Variants in PPP1CC observed in about 807,000 individuals in gnomAD.
PPP1CC encodes the protein serine/threonine-protein phosphatase PP1-gamma catalytic subunit.
In PPP1CC, 16 loss-of-function variants were observed where a neutral mutation model predicts 38.4. The observed-to-expected ratio is 0.42, with a 90% CI of 0.28 to 0.63. The LOEUF is 0.63. Among genes scored for constraint, PPP1CC ranks in the 30% least tolerant of loss-of-function variants. The pLI, the probability that PPP1CC is intolerant of heterozygous loss-of-function variation, is 0.25. For missense variants in PPP1CC, 170 were observed against 391.3 expected (o/e 0.43, Z 4.77); for synonymous variants, 158 against 136.0 (o/e 1.16, Z -1.13).
chr12:110,723,426 A>G (rs2069761572), intron 4 of PPP1CC, among the ~76,000 whole-genome samples: 1 of 152,224 alleles, frequency 6.6e-6, no homozygotes, highest in South Asian at 2.1e-4. Flanking sequence ...ACCATACAGG[A>G]AAAGAAATTC....
rs550178579 is a variant in PPP1CC, at chr12:110,724,886, G to A, written c.419-122C>T. The A allele has an allele frequency of 1.7e-5, 9 of 522,614 alleles. No individual in the cohort carries two copies. The South Asian group carries it at 1.9e-4, about 11-fold the overall frequency. 32.4% of individuals were successfully genotyped at this position (522,614 alleles called of 1,614,324 possible). The stretch of plus-strand genomic sequence containing the variant: ...GTGCCTTTTAAGCAAATGAAACTAT[G>A]TTTTTATTAAGAATCTTAATAAAAC... On this transcript the variant is annotated intron_variant, in intron 3 of 6. Coordinates refer to ENST00000335007, the MANE Select transcript of PPP1CC (RefSeq NM_002710.4).
intron 1 of PPP1CC, among the ~76,000 whole-genome samples, chr12:110,738,725 G>T (rs1323331264): frequency 6.6e-6 from 1 of 152,140 alleles, no homozygotes; most frequent in African/African-American, 2.4e-5. Flanking sequence ...CAAGCACAAC[G>T]TCACACACAA....
At chr12:110,734,446 C>T (rs1174606941) in intron 1 of PPP1CC, among the ~76,000 whole-genome samples, 2 of 152,186 alleles carry the variant, frequency 1.3e-5, no homozygotes, top group African/African-American at 4.8e-5. Context: ...CGGGTTCAAG[C>T]AATTATCCTG....
downstream of PPP1CC, among the ~76,000 whole-genome samples, chr12:110,716,101 T>C (rs2069685004): frequency 6.6e-6 from 1 of 152,190 alleles, no homozygotes; most frequent in Non-Finnish European, 1.5e-5. Context: ...GTCTTCCTTC[T>C]CAATTCCTAG....
At chr12:110,737,477 C>CAAAAAAAAAAAAAAAAAAAAAAAAAAAAA (rs71083137) in intron 1 of PPP1CC, among the ~76,000 whole-genome samples, 6 of 42,488 alleles carry the variant, frequency 1.4e-4, no homozygotes, top group Admixed American at 2.9e-4. Flanking sequence ...AAGAAAGACT[C>CAAAAAAAAAAAAAAAAAAAAAAAAAAAAA]AAAAAAAAAA....
chr12:110,731,446 G>C (rs2069871143), intron 2 of PPP1CC, among the ~76,000 whole-genome samples: 1 of 152,080 alleles, frequency 6.6e-6, no homozygotes, highest in Admixed American at 6.6e-5. Flanking sequence ...GCTATAACCA[G>C]TGTTGCTTTA....
the PPP1CC span, among the ~76,000 whole-genome samples, chr12:110,711,938 C>G: frequency 1.3e-5 from 2 of 150,810 alleles, no homozygotes; most frequent in Non-Finnish European, 3.0e-5. Flanking sequence ...ACAACAACAA[C>G]AAAACAACAA....
chr12:110,718,142 C>T (rs10774603), downstream of PPP1CC, among the ~76,000 whole-genome samples: 65,925 of 151,960 alleles, frequency 0.43, 16,015 homozygotes, highest in African/African-American at 0.65. Context: ...GTATGTTACT[C>T]GAGAACTCTG....
chr12:110,730,040 C>T (rs1024859412), intron 3 of PPP1CC, among the ~76,000 whole-genome samples: 9 of 152,190 alleles, frequency 5.9e-5, no homozygotes, highest in African/African-American at 1.2e-4. Context: ...TTTATTACAG[C>T]GGCAGTGTTA....
At chr12:110,737,565 T>C (rs971435963) in intron 1 of PPP1CC, among the ~76,000 whole-genome samples, 1 of 149,722 alleles carries the variant, frequency 6.7e-6, no homozygotes, top group Non-Finnish European at 1.5e-5. Flanking sequence ...AAGACTTCCA[T>C]GTTCTGATTA....
intron 1 of PPP1CC, among the ~76,000 whole-genome samples, chr12:110,737,500 A>G (rs1228889423): frequency 6.7e-6 from 1 of 149,318 alleles, no homozygotes; most frequent in Non-Finnish European, 1.5e-5. Flanking sequence ...AAAAAAAAAA[A>G]AGAAAAGAAA....
At chr12:110,733,993 C>A (rs1249554923) in intron 1 of PPP1CC, among the ~76,000 whole-genome samples, 2 of 152,176 alleles carry the variant, frequency 1.3e-5, no homozygotes, top group Admixed American at 6.5e-5. Context: ...AGACTTCAGG[C>A]CTCTGCTCAG....
At position 110,724,697 on chromosome 12, in the gene PPP1CC, T is replaced by C. The variant is rs1170244777; in HGVS notation, c.486A>G (p.Ala162=). ...AGAATATCTTCTCATCCACGATGGC[T>C]GCTATCGGTAAACAGTTAAAACAGT... The part of the protein sequence containing the change: ...FTDCFNCLPI[A]AIVDEKIFCC... The change falls in exon 4 of 7, where the codon GCA becomes GCG. Residue 162 remains alanine, a synonymous_variant. Transcript: ENST00000335007. The C allele has an allele frequency of 1.2e-6, 2 of 1,613,420 alleles. No homozygotes were observed. The highest frequency in any genetic ancestry group is 1.7e-6 in the Non-Finnish European group (2 of 1,179,534).
intron 4 of PPP1CC, among the ~76,000 whole-genome samples, chr12:110,723,436 C>T (rs1419688760): frequency 6.6e-6 from 1 of 152,172 alleles, no homozygotes; most frequent in Non-Finnish European, 1.5e-5. Context: ...AAAAGAAATT[C>T]TCTTTGCAAT....
intron 1 of PPP1CC, chr12:110,734,833 A>C (rs1226658317): frequency 6.6e-6 from 1 of 152,666 alleles, no homozygotes; most frequent in Non-Finnish European, 1.5e-5. Flanking sequence ...TGAACACTGG[A>C]GAGTTCTTAA....
rs977907916 is a variant in PPP1CC, at chr12:110,722,760, A to G, written c.524-65T>C. 3.3e-6 allele frequency: 4 copies of G among 1,214,716 alleles called. No homozygotes were observed. The African/African-American group carries it at 6.1e-5, about 19-fold the overall frequency. The allele number at this position is 1,214,716 out of a possible 1,614,324, so 75.2% of individuals were successfully genotyped here. On this transcript the variant is annotated intron_variant, in intron 4 of 6. Transcript: ENST00000335007. The surrounding 1 kb of genome is among the most constrained non-coding windows in gnomAD (Gnocchi z 5.4). ...CTTTTAAAAGGATACTACCCCTTCA[A>G]AAGTTCCATTTGTCTACAGAGAAAT...
intron 6 of PPP1CC, chr12:110,721,924 A>C: frequency 1.8e-6 from 1 of 543,232 alleles, no homozygotes; most frequent in African/African-American, 1.9e-5. Flanking sequence ...GCAAAAATTT[A>C]TAATTCAACA....
chr12:110,741,051 T>G (rs1243043830), intron 1 of PPP1CC, among the ~76,000 whole-genome samples: 1 of 152,192 alleles, frequency 6.6e-6, no homozygotes. Context: ...CTATATTAAC[T>G]AGTATGAAAA....
chr12:110,740,599 T>C (rs936855451), intron 1 of PPP1CC, among the ~76,000 whole-genome samples: 1 of 152,124 alleles, frequency 6.6e-6, no homozygotes, highest in Non-Finnish European at 1.5e-5. Context: ...GTTAGCCTAT[T>C]CCCAAGGCAT....
Sources: allele counts gnomAD v4.1 joint callset (sites outside exome capture counted in the v4.1 genomes callset), GRCh38; gene constraint gnomAD v4.1.1; non-coding constraint Gnocchi (gnomAD v3.1); transcripts MANE v1.5; gene names NCBI Gene and HGNC (gene_info 2026-07-23, HGNC 2026-07-21).